The following C8orf34 variants were observed in gnomAD, a reference collection of about 807,000 sequenced individuals.
C8orf34 encodes uncharacterized protein C8orf34.
Under a neutral mutation model 68.3 loss-of-function variants are expected in C8orf34, and 65 were observed. The observed-to-expected ratio is 0.95, with a 90% confidence interval of 0.78 to 1.17. The LOEUF (loss-of-function observed/expected upper bound fraction) is 1.17, where lower values mean the gene tolerates loss of function less well. Among genes scored for constraint, C8orf34 ranks in the 50% most tolerant of loss-of-function variants. C8orf34 has a pLI of 0.00. For missense variants in C8orf34, 664 were observed against 655.4 expected (o/e 1.01, Z -0.14); for synonymous variants, 244 against 241.2 (o/e 1.01, Z -0.11).
chr8:68,818,021 A>T (rs1009547909), intron 13 of C8orf34, among the ~76,000 whole-genome samples: 5 of 152,198 alleles, frequency 3.3e-5, no homozygotes, highest in Admixed American at 6.5e-5. Context: ...AAGCCTAACC[A>T]TATCACCATC....
chr8:68,554,599 A>G (rs1018806929), intron 7 of C8orf34, among the ~76,000 whole-genome samples: 3 of 152,104 alleles, frequency 2.0e-5, no homozygotes, highest in Non-Finnish European at 2.9e-5. Context: ...AGTTTTCTTC[A>G]TAGTTTATTA....
In C8orf34 at chr8:68,563,647, G is replaced by C. The variant is rs571205060; in HGVS notation, c.1105+30498G>C. On this transcript the variant is annotated intron_variant, in intron 7 of 13. Coordinates refer to ENST00000518698, the MANE Select transcript of C8orf34 (RefSeq NM_052958.4). ...CAAGTTTGGGATTATCTGCTTGAAA[G>C]AGTTAAGATTAAAAAAAAAAAAGAC... Among the ~76,000 whole-genome samples the C allele has an allele frequency of 2.4e-3, 369 of 151,236 alleles. 2 individuals are homozygous for C. Among genetic ancestry groups the C allele is most frequent in the African/African-American group, 8.6e-3 (355 of 41,234 alleles).
intron 1 of C8orf34, among the ~76,000 whole-genome samples, chr8:68,389,045 A>G (rs777057077): frequency 6.6e-6 from 1 of 152,200 alleles, no homozygotes; most frequent in African/African-American, 2.4e-5. Context: ...CCCAGGAAGT[A>G]TTCAGTGAAT....
chr8:68,352,218 G>C (rs1006578624), intron 1 of C8orf34, among the ~76,000 whole-genome samples: 3 of 151,894 alleles, frequency 2.0e-5, no homozygotes, highest in African/African-American at 7.3e-5. Flanking sequence ...TAGGAAATCT[G>C]AATTAACAGA....
intron 11 of C8orf34, among the ~76,000 whole-genome samples, chr8:68,782,128 G>T (rs16935041): frequency 6.6e-6 from 1 of 151,932 alleles, no homozygotes; most frequent in African/African-American, 2.4e-5. Flanking sequence ...AATCACTTCC[G>T]CAATTTCATT....
intron 7 of C8orf34, among the ~76,000 whole-genome samples, chr8:68,596,614 C>T (rs1197429913): frequency 1.3e-5 from 2 of 152,088 alleles, no homozygotes; most frequent in Non-Finnish European, 2.9e-5. Context: ...TACCTCCATT[C>T]CAATGGGTAC....
intron 7 of C8orf34, among the ~76,000 whole-genome samples, chr8:68,626,390 A>C (rs958283988): frequency 6.6e-6 from 1 of 152,228 alleles, no homozygotes; most frequent in Non-Finnish European, 1.5e-5. Context: ...TTTGTGTTGT[A>C]TATAAAGTAA....
intron 1 of C8orf34, among the ~76,000 whole-genome samples, chr8:68,391,689 A>G (rs1364564314): frequency 6.6e-6 from 1 of 152,126 alleles, no homozygotes; most frequent in Non-Finnish European, 1.5e-5. Flanking sequence ...TTAAACCACA[A>G]GGTTTATTTC....
intron 12 of C8orf34, among the ~76,000 whole-genome samples, chr8:68,815,656 G>A (rs1057316833): frequency 6.6e-6 from 1 of 151,994 alleles, no homozygotes; most frequent in Non-Finnish European, 1.5e-5. Context: ...ACATTTTATT[G>A]GAAAAATTAC....
intron 1 of C8orf34, among the ~76,000 whole-genome samples, chr8:68,353,794 A>G (rs1395282983): frequency 1.3e-5 from 2 of 151,754 alleles, no homozygotes; most frequent in African/African-American, 4.8e-5. Flanking sequence ...ATATAGTATA[A>G]TATCTATTTA....
At chr8:68,351,748 A>C (rs1806521272) in intron 1 of C8orf34, among the ~76,000 whole-genome samples, 1 of 152,044 alleles carries the variant, frequency 6.6e-6, no homozygotes, top group Non-Finnish European at 1.5e-5. Context: ...ATATGGTAAG[A>C]ATAGGTTTAA....
chr8:68,811,053 C>T (rs1054431027), intron 12 of C8orf34, among the ~76,000 whole-genome samples: 29 of 152,214 alleles, frequency 1.9e-4, no homozygotes, highest in African/African-American at 5.8e-4. Flanking sequence ...CATCAACCTG[C>T]CATTCACGGT....
intron 7 of C8orf34, among the ~76,000 whole-genome samples, chr8:68,616,838 G>T (rs1353454298): frequency 6.6e-6 from 1 of 152,192 alleles, no homozygotes; most frequent in South Asian, 2.1e-4. Context: ...CAATTCCTGG[G>T]TATCCTTGTT....
chr8:68,514,775 T>C (rs1278028992), intron 5 of C8orf34, among the ~76,000 whole-genome samples: 1 of 152,222 alleles, frequency 6.6e-6, no homozygotes, highest in Non-Finnish European at 1.5e-5. Context: ...ATTTTTTCTA[T>C]AATTGGTCTT....
At chr8:68,585,187 T>C (rs1332769926) in intron 7 of C8orf34, among the ~76,000 whole-genome samples, 1 of 151,968 alleles carries the variant, frequency 6.6e-6, no homozygotes, top group Non-Finnish European at 1.5e-5. Context: ...CTGAGCAAAA[T>C]GTTAAAAAAT....
chr8:68,760,039 C>T (rs1289715132), intron 10 of C8orf34, among the ~76,000 whole-genome samples: 2 of 152,140 alleles, frequency 1.3e-5, no homozygotes, highest in Non-Finnish European at 2.9e-5. Flanking sequence ...CTAGGAGAGG[C>T]AGAGGCACAC....
chr8:68,683,685 C>T (rs1820432716), intron 8 of C8orf34, among the ~76,000 whole-genome samples: 1 of 151,958 alleles, frequency 6.6e-6, no homozygotes, highest in Admixed American at 6.6e-5. Context: ...AGTAAAATAT[C>T]AGAACCTGTA....
rs909006480 is a variant in C8orf34 at position 68,455,945 on chromosome 8, TA to T, written c.607+9494del. On this transcript the variant is annotated intron_variant, in intron 3 of 13. Coordinates refer to ENST00000518698, the MANE Select transcript of C8orf34 (RefSeq NM_052958.4). The stretch of plus-strand genomic sequence containing the variant: ...TAGAAAAAAACAGTTATCAATTCAT[TA>T]AAAAAAAATTTCTGTCTAGCCGGGC... Among the ~76,000 whole-genome samples, 656 of 151,062 alleles carry T rather than the reference TA, an allele frequency of 4.3e-3. 5 individuals carry two copies. The highest frequency in any genetic ancestry group is 0.015 in the African/African-American group (625 of 41,266).
At chr8:68,430,262 C>T (rs1586125066) in intron 1 of C8orf34, among the ~76,000 whole-genome samples, 1 of 152,304 alleles carries the variant, frequency 6.6e-6, no homozygotes, top group East Asian at 1.9e-4. Flanking sequence ...GAGGATGGTG[C>T]ACCCCGACCC....
Sources: allele counts gnomAD v4.1 joint callset (sites outside exome capture counted in the v4.1 genomes callset), GRCh38; gene constraint gnomAD v4.1.1; transcripts MANE v1.5; gene names NCBI Gene and HGNC (gene_info 2026-07-23, HGNC 2026-07-21).